The following UVRAG variants were observed in gnomAD, a reference collection of about 807,000 sequenced individuals.
UVRAG encodes UV radiation resistance associated.
A neutral mutation model predicts 78.0 loss-of-function variants in UVRAG; 19 were observed. The observed-to-expected ratio is 0.24, with a 90% CI of 0.17 to 0.36. The LOEUF (loss-of-function observed/expected upper bound fraction) is 0.36, where lower values mean the gene tolerates loss of function less well. Ranked by LOEUF, UVRAG falls within the 10% of genes least tolerant of loss-of-function variation. The probability of loss-of-function intolerance (pLI) is 1.00; values close to 1 mark genes in which losing one functional copy is unlikely to be tolerated. For synonymous variants in UVRAG, 323 were observed against 324.6 expected (o/e 1.00, Z 0.05); for missense variants, 740 against 853.8 (o/e 0.87, Z 1.66).
At chr11:76,091,462 C>T (rs990764705) in intron 13 of UVRAG, among the ~76,000 whole-genome samples, 4 of 152,004 alleles carry the variant, frequency 2.6e-5, no homozygotes, top group African/African-American at 9.7e-5. Context: ...GGTTTACTCC[C>T]TTTTATTTTT....
Position 75,858,242 on chromosome 11 carries a change from CACCCTGATA to C in UVRAG, c.236-3500_236-3492del, listed in dbSNP as rs538750242. 1.6e-4 allele frequency among the ~76,000 whole-genome samples: 24 copies of C among 152,236 alleles called. No individual in the cohort carries two copies. In the Middle Eastern group the frequency reaches 0.01, roughly 65 times the overall value. On this transcript the variant is annotated intron_variant, in intron 2 of 14. Coordinates refer to ENST00000356136, the MANE Select transcript of UVRAG (RefSeq NM_003369.4). ...CTTCTGTCACCCTAGTTTTCTACCC[CACCCTGATA>C]ACCACTGTTACTCATTTCTTGTTTG...
intron 11 of UVRAG, among the ~76,000 whole-genome samples, chr11:76,015,264 G>A (rs1319926179): frequency 1.3e-5 from 2 of 152,166 alleles, no homozygotes; most frequent in Non-Finnish European, 2.9e-5. Flanking sequence ...TTACTTGGGA[G>A]GCTGAGGCAT....
intron 6 of UVRAG, among the ~76,000 whole-genome samples, chr11:75,950,389 C>T (rs1267234612): frequency 6.6e-6 from 1 of 152,162 alleles, no homozygotes; most frequent in Non-Finnish European, 1.5e-5. Context: ...TCCCACGTAG[C>T]TGGGAATGGG....
At chr11:76,110,208 G>A (rs1384122482) in intron 13 of UVRAG, among the ~76,000 whole-genome samples, 10 of 120,628 alleles carry the variant, frequency 8.3e-5, no homozygotes, top group Admixed American at 6.1e-4. Flanking sequence ...TATATATCTG[G>A]TACATATATA....
chr11:75,934,204 T>G (rs1041864097), intron 6 of UVRAG, among the ~76,000 whole-genome samples: 1 of 152,194 alleles, frequency 6.6e-6, no homozygotes, highest in Non-Finnish European at 1.5e-5. Flanking sequence ...TGGATGGAAC[T>G]GGAGGTCATA....
chr11:76,051,931 A>G (rs1178068565), intron 12 of UVRAG, among the ~76,000 whole-genome samples: 1 of 152,112 alleles, frequency 6.6e-6, no homozygotes, highest in African/African-American at 2.4e-5. Context: ...GGCCCTACCT[A>G]ATCTGTCACA....
intron 1 of UVRAG, chr11:75,835,332 T>C (rs1945753208): frequency 6.6e-6 from 1 of 152,176 alleles, no homozygotes; most frequent in Non-Finnish European, 1.5e-5. Flanking sequence ...CTTAAGTTTA[T>C]ATTTCAAAAA....
intron 6 of UVRAG, among the ~76,000 whole-genome samples, chr11:75,932,303 T>C (rs757436343): frequency 3.3e-5 from 5 of 151,706 alleles, no homozygotes; most frequent in African/African-American, 4.8e-5. Flanking sequence ...ATTTATTTAT[T>C]GAGATGGAGT....
chr11:75,821,186 T>G (rs1156316296), intron 1 of UVRAG, among the ~76,000 whole-genome samples: 1 of 152,156 alleles, frequency 6.6e-6, no homozygotes, highest in Non-Finnish European at 1.5e-5. Context: ...TATTTGTCCT[T>G]TTATGTTTGG....
At chr11:75,983,126 GGGAA>G (rs1949426041) in intron 7 of UVRAG, among the ~76,000 whole-genome samples, 7 of 152,058 alleles carry the variant, frequency 4.6e-5, no homozygotes, top group Admixed American at 4.6e-4. Flanking sequence ...TGTGGTATCA[GGGAA>G]GGTACCTGAG....
chr11:76,000,508 T>C (rs926912495), intron 8 of UVRAG, among the ~76,000 whole-genome samples: 15 of 151,880 alleles, frequency 9.9e-5, no homozygotes, highest in African/African-American at 3.6e-4. Flanking sequence ...CTTGGGAGGC[T>C]GAGACAGGAG....
chr11:76,125,719 T>A (rs1952374966), intron 14 of UVRAG, among the ~76,000 whole-genome samples: 1 of 152,216 alleles, frequency 6.6e-6, no homozygotes, highest in Admixed American at 6.5e-5. Flanking sequence ...TATTTCTATT[T>A]ACTCCTTTTG....
At chr11:76,008,723 G>A in intron 10 of UVRAG, 84 bp from the exon 11 acceptor site, 1 of 723,922 alleles carries the variant, frequency 1.4e-6, no homozygotes, top group Admixed American at 2.7e-5. Context: ...AGTGTTTTGA[G>A]TCAGCACCGA....
rs1253739456 is a variant in UVRAG, at chr11:75,989,508, T to G, written c.826+5995T>G. ...CCTCTTATCTATTGTCTGAAAACTG[T>G]TGTTACATATAATTTTGTATGACTT... On this transcript the variant is annotated intron_variant, in intron 8 of 14. Transcript: ENST00000356136. Among the ~76,000 whole-genome samples the G allele has an allele frequency of 2.0e-5, 3 of 152,214 alleles. No homozygotes were observed. The East Asian group carries it at 5.8e-4, about 29-fold the overall frequency.
intron 11 of UVRAG, among the ~76,000 whole-genome samples, chr11:76,015,775 G>A (rs908452628): frequency 2.6e-5 from 4 of 152,166 alleles, no homozygotes; most frequent in African/African-American, 9.7e-5. Context: ...AGAAGAATGC[G>A]AAAATTTTTA....
intron 13 of UVRAG, among the ~76,000 whole-genome samples, chr11:76,092,760 A>G (rs1345964546): frequency 1.3e-5 from 2 of 152,146 alleles, no homozygotes; most frequent in African/African-American, 4.8e-5. Context: ...AGTAGATTGC[A>G]AAAATTTTCT....
At chr11:76,064,556 G>A (rs1394754900) in intron 12 of UVRAG, among the ~76,000 whole-genome samples, 2 of 152,124 alleles carry the variant, frequency 1.3e-5, no homozygotes, top group Non-Finnish European at 2.9e-5. Flanking sequence ...AGCATTTGGT[G>A]TTCCTTTAGT....
intron 8 of UVRAG, among the ~76,000 whole-genome samples, chr11:75,995,501 GA>G (rs71471398): frequency 0.27 from 31,935 of 119,936 alleles, 3,695 homozygotes; most frequent in Middle Eastern, 0.34. Context: ...TTGTCATTTT[GA>G]AAAAAAAAAA....
chr11:75,904,144 G>C (rs892898364), intron 5 of UVRAG, among the ~76,000 whole-genome samples: 1 of 152,162 alleles, frequency 6.6e-6, no homozygotes, highest in Non-Finnish European at 1.5e-5. Flanking sequence ...CATTTACTAT[G>C]TGGCCCTTTA....
Sources: gnomAD v4.1 joint callset for allele counts (sites outside exome capture counted in the v4.1 genomes callset) on GRCh38, gnomAD v4.1.1 for gene constraint, MANE v1.5 for transcripts, NCBI Gene and HGNC (gene_info 2026-07-23, HGNC 2026-07-21) for gene names.